The following DDAH1 variants were observed in gnomAD, a reference collection of about 807,000 sequenced individuals.
DDAH1 encodes dimethylarginine dimethylaminohydrolase 1, also known as N(G),N(G)-dimethylarginine dimethylaminohydrolase 1.
In DDAH1, 19 loss-of-function variants were observed where a neutral mutation model predicts 28.8. The ratio of observed to expected loss-of-function variants is 0.66; its 90% CI spans 0.46 to 0.97. DDAH1 has a LOEUF of 0.97. Among genes scored for constraint, DDAH1 ranks in the 50% least tolerant of loss-of-function variants. The pLI is 0.00. For synonymous variants in DDAH1, 153 were observed against 154.4 expected (o/e 0.99, Z 0.07); for missense variants, 326 against 375.9 (o/e 0.87, Z 1.10).
chr1:85,431,522 C>T (rs559558573), intron 1 of DDAH1, among the ~76,000 whole-genome samples: 15 of 152,014 alleles, frequency 9.9e-5, no homozygotes, highest in Non-Finnish European at 1.5e-4. Flanking sequence ...AACCAGAAAA[C>T]CTATGGTCCC....
intron 1 of DDAH1, among the ~76,000 whole-genome samples, chr1:85,374,472 T>C (rs1650549628): frequency 6.6e-6 from 1 of 152,102 alleles, no homozygotes; most frequent in Non-Finnish European, 1.5e-5. Flanking sequence ...TGCAAAAATA[T>C]ATTTAATCTC....
At chr1:85,558,254 T>C (rs1322168362) in intron 1 of DDAH1, among the ~76,000 whole-genome samples, 3 of 152,092 alleles carry the variant, frequency 2.0e-5, no homozygotes, top group East Asian at 1.9e-4. Flanking sequence ...CCCAGCTACT[T>C]GGGAGGCTGA....
chr1:85,478,468 G>A (rs1655879863), intron 2 of DDAH1, among the ~76,000 whole-genome samples: 1 of 152,200 alleles, frequency 6.6e-6, no homozygotes, highest in Admixed American at 6.5e-5. Context: ...GAGGAGCAAA[G>A]TTATATCTTA....
At chr1:85,350,647 AT>A (rs1649146236) in intron 3 of DDAH1, 113 bp from the exon 4 acceptor site, 2 of 1,287,098 alleles carry the variant, frequency 1.6e-6, no homozygotes, top group Admixed American at 2.5e-5. Flanking sequence ...GACCTTGAAT[AT>A]TTGGAAGAAA....
intron 2 of DDAH1, among the ~76,000 whole-genome samples, chr1:85,356,563 T>C (rs1463252262): frequency 1.3e-5 from 2 of 152,050 alleles, no homozygotes; most frequent in Non-Finnish European, 2.9e-5. Context: ...TTAACCGCAA[T>C]AAAATAAAAG....
intron 1 of DDAH1, among the ~76,000 whole-genome samples, chr1:85,560,182 G>A (rs1288290113): frequency 6.6e-6 from 1 of 152,052 alleles, no homozygotes; most frequent in South Asian, 2.1e-4. Context: ...AAAGAGGCAG[G>A]GGAAGGGAAA....
At chr1:85,541,401 A>G (rs1658467026) in intron 1 of DDAH1, among the ~76,000 whole-genome samples, 1 of 152,250 alleles carries the variant, frequency 6.6e-6, no homozygotes, top group Non-Finnish European at 1.5e-5. Flanking sequence ...CTGGAAGAGA[A>G]GGAGTTGCTG....
chr1:85,364,900 CATT>C (rs1649988245), intron 1 of DDAH1, among the ~76,000 whole-genome samples: 1 of 152,168 alleles, frequency 6.6e-6, no homozygotes, highest in Non-Finnish European at 1.5e-5. Flanking sequence ...ATCGAACAGA[CATT>C]TTGTGTACTC....
At chr1:85,528,943 C>A (rs1370278615) in intron 1 of DDAH1, among the ~76,000 whole-genome samples, 43 of 150,094 alleles carry the variant, frequency 2.9e-4, no homozygotes, top group African/African-American at 1.0e-3. Flanking sequence ...CACTGGACTC[C>A]AGCCTGGGCA....
At chr1:85,357,636 T>G (rs1046493027) in intron 2 of DDAH1, among the ~76,000 whole-genome samples, 1 of 152,214 alleles carries the variant, frequency 6.6e-6, no homozygotes, top group African/African-American at 2.4e-5. Context: ...GTGGGCCACT[T>G]GGGGCCACAT....
At chr1:85,338,295 A>G (rs1461082867) in intron 4 of DDAH1, among the ~76,000 whole-genome samples, 3 of 152,218 alleles carry the variant, frequency 2.0e-5, no homozygotes, top group Non-Finnish European at 4.4e-5. Context: ...AAAATCTTTC[A>G]TTCTGTAGGC....
chr1:85,518,395 G>A (rs543566734), intron 1 of DDAH1, among the ~76,000 whole-genome samples: 19 of 152,308 alleles, frequency 1.2e-4, no homozygotes, highest in Admixed American at 7.8e-4. Flanking sequence ...TTCCCTGCTC[G>A]TTCAGGTGTT....
At chr1:85,572,414 C>G (rs1265736426) in intron 1 of DDAH1, among the ~76,000 whole-genome samples, 1 of 152,266 alleles carries the variant, frequency 6.6e-6, no homozygotes, top group South Asian at 2.1e-4. Flanking sequence ...ACCATGCTCT[C>G]CCCGAAAGGA....
In DDAH1 at chr1:85,568,113, T is replaced by A. The variant is rs185587930; in HGVS notation, c.-123+9871A>T. Among the ~76,000 whole-genome samples, 85 of 152,288 alleles carry A rather than the reference T, an allele frequency of 5.6e-4. 2 individuals are homozygous for A. In the East Asian group the frequency reaches 0.013, roughly 24 times the overall value. ...AAAAATCAAAAAGGAAATTAGAAAG[T>A]CTTTTAAACAGATTAAAAATAAAAA... is the stretch of plus-strand genomic sequence containing the variant. On this transcript the variant is annotated intron_variant, in intron 1 of 6. Transcript: ENST00000426972.
intron 1 of DDAH1, among the ~76,000 whole-genome samples, chr1:85,517,005 C>T (rs1235908820): frequency 6.6e-6 from 1 of 151,416 alleles, no homozygotes; most frequent in African/African-American, 2.4e-5. Context: ...CATTCTACTA[C>T]TATATAGCCT....
At chr1:85,373,831 A>G (rs1195279229) in intron 1 of DDAH1, among the ~76,000 whole-genome samples, 1 of 152,136 alleles carries the variant, frequency 6.6e-6, no homozygotes, top group Non-Finnish European at 1.5e-5. Flanking sequence ...CTAGGATTGC[A>G]ACTATTTTTT....
At chr1:85,536,971 ATATATATATATATACG>A (rs1658302656) in intron 1 of DDAH1, among the ~76,000 whole-genome samples, 1 of 73,830 alleles carries the variant, frequency 1.4e-5, no homozygotes, top group Admixed American at 2.0e-4. Context: ...ATATATATAT[ATATATATATATATACG>A]TATATACATA....
chr1:85,325,866 T>C (rs1321769826), intron 4 of DDAH1, among the ~76,000 whole-genome samples: 2 of 152,240 alleles, frequency 1.3e-5, no homozygotes, highest in African/African-American at 4.8e-5. Flanking sequence ...CTCTTTCTAC[T>C]CTTTATCAAT....
At chr1:85,459,778 G>A (rs1448176999) in intron 1 of DDAH1, among the ~76,000 whole-genome samples, 3 of 152,246 alleles carry the variant, frequency 2.0e-5, no homozygotes, top group South Asian at 2.1e-4. Flanking sequence ...GCCATTTAGG[G>A]GGTTATATAA....
Sources: allele counts gnomAD v4.1 joint callset (sites outside exome capture counted in the v4.1 genomes callset), GRCh38; gene constraint gnomAD v4.1.1; transcripts MANE v1.5; gene names NCBI Gene and HGNC (gene_info 2026-07-23, HGNC 2026-07-21).